The following LIPH variants were observed in gnomAD, a reference collection of about 807,000 sequenced individuals.
LIPH encodes the protein lipase H, also known as lipase member H.
Under a neutral mutation model 47.6 loss-of-function variants are expected in LIPH, and 32 were observed. That is an observed-to-expected ratio of 0.67 (90% CI 0.51 to 0.90). The LOEUF is 0.90. LIPH is among the 40% of genes least tolerant of loss of function. The probability of loss-of-function intolerance (pLI) is 0.00; values close to 1 mark genes in which losing one functional copy is unlikely to be tolerated. For missense variants in LIPH, 497 were observed against 541.4 expected (o/e 0.92, Z 0.81); for synonymous variants, 190 against 195.6 (o/e 0.97, Z 0.24).
intron 1 of LIPH, among the ~76,000 whole-genome samples, chr3:185,539,298 C>G (rs1167029606): frequency 6.6e-6 from 1 of 151,510 alleles, no homozygotes; most frequent in Non-Finnish European, 1.5e-5. Context: ...ACTGGGCTCT[C>G]TTGTTGTCAG....
rs757804825 is a variant in LIPH, at chr3:185,508,468, G to A, written c.*322C>T. The stretch of plus-strand genomic sequence containing the variant: ...CCTTGAAGATGCTTGACCCGCAGCC[G>A]CGATGGGCAGAACCACCCGCGTGAC... On this transcript the variant is annotated 3_prime_UTR_variant, in exon 10 of 10. Coordinates refer to ENST00000296252, the MANE Select transcript of LIPH (RefSeq NM_139248.3). 108 of 348,038 alleles carry A rather than the reference G, an allele frequency of 3.1e-4. No homozygotes were observed. Among genetic ancestry groups the A allele is most frequent in the Non-Finnish European group, 4.6e-4 (83 of 182,324 alleles). 21.6% of individuals were successfully genotyped at this position (348,038 alleles called of 1,614,324 possible).
chr3:185,543,609 C>T (rs902612573), intron 1 of LIPH, among the ~76,000 whole-genome samples: 1 of 152,068 alleles, frequency 6.6e-6, no homozygotes, highest in African/African-American at 2.4e-5. Flanking sequence ...AAATTATCTT[C>T]TGGACTTACG....
intron 1 of LIPH, among the ~76,000 whole-genome samples, chr3:185,539,792 T>A (rs1720645451): frequency 6.6e-6 from 1 of 152,240 alleles, no homozygotes; most frequent in African/African-American, 2.4e-5. Context: ...ATATACTTGG[T>A]GTGGTGCCCA....
chr3:185,515,022 C>G (rs553266942), intron 7 of LIPH, among the ~76,000 whole-genome samples: 1 of 152,122 alleles, frequency 6.6e-6, no homozygotes, highest in South Asian at 2.1e-4. Flanking sequence ...CTTACTTTGC[C>G]AGCTCTGTGA....
Position 185,535,888 on chromosome 3 carries a change from C to A in LIPH, c.50-756G>T, listed in dbSNP as rs537655015. 2.6e-4 allele frequency among the ~76,000 whole-genome samples: 40 copies of A among 152,328 alleles called. 1 individual carries two copies. The East Asian group carries it at 7.1e-3, about 27-fold the overall frequency. On this transcript the variant is annotated intron_variant, in intron 1 of 9. Transcript: ENST00000296252. ...AAGGTGCTGGGATTACAGGCATGAG[C>A]CACCGTGCCCGGCCAACAAAATCAT...
At chr3:185,513,237 G>A (rs577136852) in intron 8 of LIPH, among the ~76,000 whole-genome samples, 7 of 151,936 alleles carry the variant, frequency 4.6e-5, no homozygotes, top group Non-Finnish European at 7.4e-5. Context: ...CTACTCAGGA[G>A]GCTGAAGCAG....
In LIPH at chr3:185,535,050, C is replaced by A; in HGVS notation, c.132G>T (p.Met44Ile). The change falls in exon 2 of 10, where the codon ATG (methionine) becomes ATT (isoleucine). Residue 44 changes from methionine (M) to isoleucine (I), a missense_variant. By Grantham distance (10) the Met-to-Ile change is conservative. Coordinates refer to ENST00000296252, the MANE Select transcript of LIPH (RefSeq NM_139248.3). ...VVGTGLNVRL[M>I]LYTRKNLTCA... ...AGGTCAGGTTTTTCCTTGTGTAGAG[C>A]ATCAGCCTCACATTTAGTCCCGTAC... is the stretch of plus-strand genomic sequence containing the variant. 6.2e-7 allele frequency: 1 copy of A among 1,613,864 alleles called. No individual in the cohort carries two copies. Among genetic ancestry groups the A allele is most frequent in the Non-Finnish European group, 8.5e-7 (1 of 1,179,884 alleles).
intron 3 of LIPH, among the ~76,000 whole-genome samples, chr3:185,532,274 G>A (rs1720354270): frequency 6.6e-6 from 1 of 152,134 alleles, no homozygotes; most frequent in South Asian, 2.1e-4. Flanking sequence ...CACTTTGGGA[G>A]GCTGAAGTGA....
At chr3:185,543,319 C>A (rs1026588920) in intron 1 of LIPH, among the ~76,000 whole-genome samples, 4 of 152,166 alleles carry the variant, frequency 2.6e-5, no homozygotes, top group Non-Finnish European at 5.9e-5. Flanking sequence ...AGAGAAAATA[C>A]ATGTGTTAGG....
chr3:185,546,837 G>C, intron 1 of LIPH: 1 of 401,428 alleles, frequency 2.5e-6, no homozygotes, highest in South Asian at 1.8e-5. Context: ...AAAAAAGCCT[G>C]TGCTGTCTCA....
intron 1 of LIPH, among the ~76,000 whole-genome samples, chr3:185,545,663 G>A (rs1720847937): frequency 6.6e-6 from 1 of 152,136 alleles, no homozygotes; most frequent in African/African-American, 2.4e-5. Context: ...CCCTTGACGT[G>A]AGGAGTGGGA....
At chr3:185,542,303 T>G (rs1720738060) in intron 1 of LIPH, among the ~76,000 whole-genome samples, 1 of 151,934 alleles carries the variant, frequency 6.6e-6, no homozygotes, top group African/African-American at 2.4e-5. Flanking sequence ...GTTTTTTGCT[T>G]CCTGTGCTTT....
chr3:185,538,735 A>ATG (rs60196351), intron 1 of LIPH, among the ~76,000 whole-genome samples: 21 of 82,280 alleles, frequency 2.6e-4, no homozygotes, highest in East Asian at 1.9e-3. Context: ...GTACATATAT[A>ATG]TACATATATG....
intron 3 of LIPH, among the ~76,000 whole-genome samples, chr3:185,529,942 G>GAAAGAA (rs965709945): frequency 3.8e-5 from 2 of 52,532 alleles, no homozygotes; most frequent in African/African-American, 1.0e-4. Context: ...AAGAAAGAAA[G>GAAAGAA]AAAGAAAGAA....
chr3:185,519,857 A>C (rs948326116), intron 5 of LIPH, among the ~76,000 whole-genome samples: 1 of 150,128 alleles, frequency 6.7e-6, no homozygotes, highest in Non-Finnish European at 1.5e-5. Flanking sequence ...AAAAAAAAAA[A>C]AAAAAAAAAA....
At chr3:185,514,915 A>T (rs995047369) in intron 7 of LIPH, among the ~76,000 whole-genome samples, 39 of 152,282 alleles carry the variant, frequency 2.6e-4, no homozygotes, top group Admixed American at 2.5e-3. Flanking sequence ...CAAGTCCACC[A>T]GCCTACTCAG....
At position 185,535,023 on chromosome 3, in the gene LIPH, G is replaced by A. The variant is rs61741645; in HGVS notation, c.159C>T (p.Cys53=). The A allele has an allele frequency of 2.3e-4, 367 of 1,613,652 alleles. No homozygotes were observed. In the African/African-American group the frequency reaches 3.6e-3, roughly 16 times the overall value. ...AAGCTGAGGAGTTGATGGTTTGTGC[G>A]CAGGTCAGGTTTTTCCTTGTGTAGA... The part of the protein sequence containing the change: ...LMLYTRKNLT[C]AQTINSSAFG... The change falls in exon 2 of 10, where the codon TGC becomes TGT. Residue 53 remains cysteine (C), a synonymous_variant. Coordinates refer to ENST00000296252, the MANE Select transcript of LIPH (RefSeq NM_139248.3).
chr3:185,531,363 A>G (rs1271085763), intron 3 of LIPH, among the ~76,000 whole-genome samples: 3 of 152,068 alleles, frequency 2.0e-5, no homozygotes, highest in East Asian at 1.9e-4. Context: ...CCTGGGCAAC[A>G]TGGCGAAACT....
intron 8 of LIPH, among the ~76,000 whole-genome samples, chr3:185,514,110 G>A (rs2148947429): frequency 6.6e-6 from 1 of 152,006 alleles, no homozygotes; most frequent in Admixed American, 6.6e-5. Context: ...AAGGAAGTAA[G>A]GAGGAGAGGA....
Sources: allele counts gnomAD v4.1 joint callset (sites outside exome capture counted in the v4.1 genomes callset), GRCh38; gene constraint gnomAD v4.1.1; transcripts MANE v1.5; gene names NCBI Gene and HGNC (gene_info 2026-07-23, HGNC 2026-07-21).